NBEA: variants seen among roughly 807,000 people sequenced by gnomAD.
The protein encoded by NBEA is neurobeachin, also known as lysosomal-trafficking regulator 2.
NBEA carries 44 observed loss-of-function variants against 343.4 expected under a neutral mutation model. The ratio of observed to expected loss-of-function variants is 0.13; its 90% CI spans 0.10 to 0.16. NBEA has a LOEUF of 0.16. Among genes scored for constraint, NBEA ranks in the 10% least tolerant of loss-of-function variants. The pLI, the probability that NBEA is intolerant of heterozygous loss-of-function variation, is 1.00. For synonymous variants in NBEA, 1,175 were observed against 1,238.7 expected (o/e 0.95, Z 1.08); for missense variants, 2,555 against 3,631.3 (o/e 0.70, Z 7.62).
At chr13:35,648,179 T>TG (rs2084335272) in intron 51 of NBEA, among the ~76,000 whole-genome samples, 2 of 138,900 alleles carry the variant, frequency 1.4e-5, no homozygotes, top group African/African-American at 5.3e-5. Flanking sequence ...GTGTTTAAAC[T>TG]CTTTTTTTTT....
Position 35,278,084 on chromosome 13 carries a change from T to C in NBEA, c.5777-12305T>C, listed in dbSNP as rs1413920303. On this transcript the variant is annotated intron_variant, in intron 34 of 58. Transcript: ENST00000379939. ...CCTGTGCAACAAGAGCAAAACTCCATCTCAAAAAATATATATATATATAAA... is the reference window on the plus strand; with the variant it reads ...CCTGTGCAACAAGAGCAAAACTCCACCTCAAAAAATATATATATATATAAA... Among the ~76,000 whole-genome samples the C allele has an allele frequency of 5.4e-5, 8 of 148,392 alleles. No homozygotes were observed. In the East Asian group the frequency reaches 1.4e-3, roughly 25 times the overall value.
At chr13:35,088,263 A>G (rs1400942315) in intron 10 of NBEA, among the ~76,000 whole-genome samples, 1 of 151,940 alleles carries the variant, frequency 6.6e-6, no homozygotes, top group Non-Finnish European at 1.5e-5. Context: ...AAATAATTCC[A>G]TACTTCAAAA....
Position 35,159,484 on chromosome 13 carries a change from G to T in NBEA, c.3313G>T (p.Glu1105Ter). Residue 1105 changes from glutamate to a stop codon, truncating the protein, a stop_gained, in exon 22 of 59, where the codon GAG becomes TAG. Coordinates refer to ENST00000379939, the MANE Select transcript of NBEA (RefSeq NM_001385012.1). LOFTEE classifies it high-confidence loss of function. ...GGATAATGTATATAGTGCTGCTGTT[G>T]AGAAACTCCAGAACAATGTACATGG... ...LLDNVYSAAV[E>*]KLQNNVHGSV... is the part of the protein sequence containing the mutation. The T allele has an allele frequency of 6.2e-7, 1 of 1,613,214 alleles. No homozygotes were observed. The highest frequency in any genetic ancestry group is 1.1e-5 in the South Asian group (1 of 91,030).
chr13:35,051,208 C>G (rs2063053730), intron 6 of NBEA, among the ~76,000 whole-genome samples: 1 of 151,906 alleles, frequency 6.6e-6, no homozygotes, highest in Non-Finnish European at 1.5e-5. Flanking sequence ...CTTCCAGGTT[C>G]AGGGTTCTTT....
rs2079877271 is a variant in NBEA at position 35,561,980 on chromosome 13, A to T, written c.6923-4925A>T. Among the ~76,000 whole-genome samples the T allele has an allele frequency of 2.0e-5, 3 of 152,148 alleles. No homozygotes were observed. In the South Asian group the frequency reaches 6.2e-4, roughly 31 times the overall value. ...ACAAAAAATGGTAATTTTAAAAATT[A>T]AACCACTCAAAAGTCTAACCGTAAA... On this transcript the variant is annotated intron_variant, in intron 44 of 58. Transcript: ENST00000379939.
intron 40 of NBEA, among the ~76,000 whole-genome samples, chr13:35,464,090 G>A (rs1482051841): frequency 6.6e-6 from 1 of 151,658 alleles, no homozygotes; most frequent in Non-Finnish European, 1.5e-5. Context: ...TATATAATCA[G>A]GATGAACAAA....
chr13:35,582,366 C>T (rs1293635202), intron 45 of NBEA, among the ~76,000 whole-genome samples: 1 of 152,058 alleles, frequency 6.6e-6, no homozygotes, highest in Non-Finnish European at 1.5e-5. Flanking sequence ...ATTCATTTCA[C>T]TTTATAGCAA....
At chr13:35,203,056 G>A (rs977968234) in intron 31 of NBEA, among the ~76,000 whole-genome samples, 1 of 152,002 alleles carries the variant, frequency 6.6e-6, no homozygotes, top group Non-Finnish European at 1.5e-5. Context: ...TAGTATTGTA[G>A]TCTCCTAGCC....
intron 38 of NBEA, among the ~76,000 whole-genome samples, chr13:35,419,509 A>G (rs2044145670): frequency 6.6e-6 from 1 of 152,104 alleles, no homozygotes; most frequent in South Asian, 2.1e-4. Flanking sequence ...CATACTAATG[A>G]CAGTGTTTCT....
intron 48 of NBEA, among the ~76,000 whole-genome samples, 152 bp from the exon 49 acceptor site, chr13:35,627,929 G>C (rs1288095064): frequency 1.3e-5 from 2 of 151,584 alleles, no homozygotes; most frequent in African/African-American, 2.4e-5. Flanking sequence ...TCCATTTCTA[G>C]GAACTGAAGA....
chr13:35,048,927 G>A (rs1362120330), intron 5 of NBEA, among the ~76,000 whole-genome samples: 3 of 151,672 alleles, frequency 2.0e-5, no homozygotes, highest in Admixed American at 6.6e-5. Flanking sequence ...AAAGTCAAAG[G>A]TACAGACTTT....
intron 10 of NBEA, among the ~76,000 whole-genome samples, chr13:35,097,006 A>T (rs2065369592): frequency 6.6e-6 from 1 of 151,836 alleles, no homozygotes; most frequent in African/African-American, 2.4e-5. Context: ...AATATAATTG[A>T]ATTTTAATTT....
intron 8 of NBEA, among the ~76,000 whole-genome samples, chr13:35,059,632 T>C (rs758271851): frequency 6.6e-6 from 1 of 151,722 alleles, no homozygotes; most frequent in Non-Finnish European, 1.5e-5. Context: ...TTTATTGAAC[T>C]CAATTTAAAT....
intron 33 of NBEA, among the ~76,000 whole-genome samples, chr13:35,221,637 T>C (rs910841215): frequency 7.2e-5 from 11 of 152,272 alleles, no homozygotes; most frequent in South Asian, 6.2e-4. Context: ...TATTTTTTTC[T>C]AGTAAGCATT....
intron 38 of NBEA, among the ~76,000 whole-genome samples, chr13:35,361,796 C>T (rs772510103): frequency 3.3e-5 from 5 of 152,002 alleles, no homozygotes; most frequent in South Asian, 2.1e-4. Flanking sequence ...CAATGAGAAA[C>T]AAATATTGTA....
intron 41 of NBEA, among the ~76,000 whole-genome samples, chr13:35,535,828 T>G (rs2078512156): frequency 6.6e-6 from 1 of 152,182 alleles, no homozygotes. Context: ...ATTACTTTAG[T>G]CTACAAAACT....
chr13:35,308,242 C>T (rs918602610), intron 35 of NBEA, among the ~76,000 whole-genome samples: 1 of 151,126 alleles, frequency 6.6e-6, no homozygotes, highest in African/African-American at 2.4e-5. Flanking sequence ...AAGCTGAACC[C>T]ATGGCCAGGG....
chr13:35,450,560 C>T (rs1001030616), intron 39 of NBEA, among the ~76,000 whole-genome samples: 1 of 152,010 alleles, frequency 6.6e-6, no homozygotes, highest in African/African-American at 2.4e-5. Context: ...ATGGTCTGGG[C>T]CTGGGTGAAT....
chr13:35,546,179 G>GT (rs766102736), intron 41 of NBEA, among the ~76,000 whole-genome samples: 9 of 152,186 alleles, frequency 5.9e-5, no homozygotes, highest in Non-Finnish European at 1.2e-4. Flanking sequence ...CAAAAAACAA[G>GT]TAAGAAAATT....
Sources: allele counts gnomAD v4.1 joint callset (sites outside exome capture counted in the v4.1 genomes callset), GRCh38; gene constraint gnomAD v4.1.1; transcripts MANE v1.5; gene names NCBI Gene and HGNC (gene_info 2026-07-23, HGNC 2026-07-21).